Variants in SH3PXD2A observed in about 807,000 individuals in gnomAD.
SH3PXD2A encodes SH3 and PX domain-containing protein 2A.
In SH3PXD2A, 32 loss-of-function variants were observed where a neutral mutation model predicts 115.2. The observed-to-expected ratio is 0.28, with a 90% CI of 0.21 to 0.37. SH3PXD2A has a LOEUF of 0.37. Ranked by LOEUF, SH3PXD2A falls within the 10% of genes least tolerant of loss-of-function variation. The pLI is 1.00. For synonymous variants in SH3PXD2A, 610 were observed against 629.1 expected, an observed-to-expected ratio of 0.97 and a Z score of 0.45; for missense variants, 1,328 against 1,498.7, an observed-to-expected ratio of 0.89 and a Z score of 1.88.
intron 3 of SH3PXD2A, among the ~76,000 whole-genome samples, chr10:103,762,691 G>A (rs2038713582): frequency 6.6e-6 from 1 of 152,162 alleles, no homozygotes; most frequent in African/African-American, 2.4e-5. Flanking sequence ...AAAGGCTGGT[G>A]GTCCCAGACA....
intron 13 of SH3PXD2A, among the ~76,000 whole-genome samples, chr10:103,611,313 T>C (rs2036424849): frequency 6.6e-6 from 1 of 152,238 alleles, no homozygotes; most frequent in African/African-American, 2.4e-5. Context: ...TAAATGTTTA[T>C]GTCTGCCAAT....
chr10:103,759,271 A>G (rs1469120768), intron 3 of SH3PXD2A, among the ~76,000 whole-genome samples: 3 of 152,230 alleles, frequency 2.0e-5, no homozygotes, highest in African/African-American at 7.2e-5. Flanking sequence ...TCAGTACAAA[A>G]GAAGCAAGCA....
chr10:103,700,425 T>C (rs1018953444), intron 5 of SH3PXD2A, among the ~76,000 whole-genome samples: 14 of 152,100 alleles, frequency 9.2e-5, no homozygotes, highest in African/African-American at 3.4e-4. Context: ...GTGTGGATGG[T>C]GGCCGCAATG....
intron 6 of SH3PXD2A, among the ~76,000 whole-genome samples, chr10:103,687,164 A>C (rs2134118587): frequency 6.6e-6 from 1 of 152,300 alleles, no homozygotes; most frequent in East Asian, 1.9e-4. Context: ...CAGCAGAGTG[A>C]AGGTTTCCCT....
chr10:103,692,444 A>G (rs1170344188), intron 6 of SH3PXD2A, among the ~76,000 whole-genome samples: 1 of 152,118 alleles, frequency 6.6e-6, no homozygotes, highest in Non-Finnish European at 1.5e-5. Context: ...TCAGCTGCCA[A>G]AACGCGGAGC....
chr10:103,636,634 C>A (rs2036870252), intron 8 of SH3PXD2A, among the ~76,000 whole-genome samples: 1 of 152,120 alleles, frequency 6.6e-6, no homozygotes. Flanking sequence ...CAATGGCCTC[C>A]TTAAGGAGGG....
rs1247291275 is a variant in SH3PXD2A at position 103,613,058 on chromosome 10, C to G, written c.1053G>C (p.Leu351=). The change falls in exon 12 of 15, where the codon CTG becomes CTC. Residue 351 remains leucine, a synonymous_variant. Coordinates refer to ENST00000369774, the MANE Select transcript of SH3PXD2A (RefSeq NM_001394015.1). ...CCTTGTCCCCAGACGCCTTCTTGTT[C>G]AGCAGGTTGCTGATCTCCATGATGT... ...IGNIMEISNL[L]NKKASGDKET... is the part of the protein sequence containing the mutation. The G allele has an allele frequency of 3.1e-6, 5 of 1,614,246 alleles. No individual in the cohort carries two copies. The East Asian group carries it at 8.9e-5, about 29-fold the overall frequency.
intron 13 of SH3PXD2A, 25 bp downstream of exon 13, chr10:103,611,556 G>A: frequency 6.2e-7 from 1 of 1,608,318 alleles, no homozygotes; most frequent in Non-Finnish European, 8.5e-7. Context: ...GGAAGGAAAG[G>A]GGAGAAGAAA....
intron 8 of SH3PXD2A, among the ~76,000 whole-genome samples, chr10:103,634,714 G>A (rs1014836165): frequency 1.3e-5 from 2 of 152,182 alleles, no homozygotes; most frequent in Admixed American, 1.3e-4. Context: ...GTACCTGGGT[G>A]TCAATGTGTA....
rs79615908 is a variant in SH3PXD2A, at chr10:103,762,014, CTTTTTTTTT to C, written c.229+5071_229+5079del. 2.5e-4 allele frequency among the ~76,000 whole-genome samples: 23 copies of C among 90,708 alleles called. 1 individual carries two copies. The highest frequency in any genetic ancestry group is 6.6e-4 in the African/African-American group (16 of 24,404). 59.5% of individuals were successfully genotyped at this position (90,708 alleles called of 152,430 possible). ...CACACACTAGGAGCAATCAACACGT[CTTTTTTTTT>C]TTTTTTTTTTTTTTTTTGATACAGA... On this transcript the variant is annotated intron_variant, in intron 3 of 14. Transcript: ENST00000369774.
chr10:103,681,236 TG>T (rs35196546), intron 6 of SH3PXD2A, among the ~76,000 whole-genome samples: 136,620 of 152,256 alleles, frequency 0.9, 61,571 homozygotes, highest in East Asian at 1. Context: ...GTAAGAGACT[TG>T]GGAGTCCTGT....
At chr10:103,783,056 G>T (rs2038947547) in intron 2 of SH3PXD2A, among the ~76,000 whole-genome samples, 1 of 152,120 alleles carries the variant, frequency 6.6e-6, no homozygotes, top group Admixed American at 6.5e-5. Flanking sequence ...AAGGACAAAG[G>T]CCTGGTGGCA....
chr10:103,661,161 C>A, intron 7 of SH3PXD2A, 47 bp from the exon 8 acceptor site: 1 of 1,596,792 alleles, frequency 6.3e-7, no homozygotes, highest in Non-Finnish European at 8.5e-7. Flanking sequence ...CAGCCATGGC[C>A]CCGCGGCCAG....
At chr10:103,614,132 G>A (rs1445344761) in intron 11 of SH3PXD2A, among the ~76,000 whole-genome samples, 2 of 150,628 alleles carry the variant, frequency 1.3e-5, no homozygotes, top group Non-Finnish European at 2.9e-5. Flanking sequence ...GTGCATACCT[G>A]TAGTCCCAGG....
At chr10:103,751,635 C>CA (rs2038580606) in intron 3 of SH3PXD2A, among the ~76,000 whole-genome samples, 1 of 152,196 alleles carries the variant, frequency 6.6e-6, no homozygotes. Context: ...TCCTCATGGG[C>CA]ACAGATGAAA....
intron 3 of SH3PXD2A, among the ~76,000 whole-genome samples, chr10:103,752,519 A>C (rs2038590199): frequency 6.6e-6 from 1 of 152,192 alleles, no homozygotes; most frequent in Non-Finnish European, 1.5e-5. Context: ...GCACAGAAGA[A>C]CACCACCCTA....
Position 103,822,370 on chromosome 10 carries a change from C to A in SH3PXD2A, c.73-21008G>T, listed in dbSNP as rs142683937. On this transcript the variant is annotated intron_variant, in intron 1 of 14. Transcript: ENST00000369774. The stretch of plus-strand genomic sequence containing the variant: ...CAGGGTGCTTCCTATGCAGATGTAA[C>A]CCCTAGCTGTCCAAGTTCCCTGCAG... Among the ~76,000 whole-genome samples, 12 of 152,342 alleles carry A rather than the reference C, an allele frequency of 7.9e-5. No homozygotes were observed. In the East Asian group the frequency reaches 2.3e-3, roughly 29 times the overall value.
chr10:103,842,003 T>C (rs1484431243), intron 1 of SH3PXD2A, among the ~76,000 whole-genome samples: 2 of 151,858 alleles, frequency 1.3e-5, no homozygotes, highest in African/African-American at 4.8e-5. Flanking sequence ...CGGGTGCCTG[T>C]AGTCCCAGCT....
intron 13 of SH3PXD2A, among the ~76,000 whole-genome samples, chr10:103,606,827 C>T (rs1015800428): frequency 1.1e-4 from 17 of 152,360 alleles, no homozygotes; most frequent in Non-Finnish European, 2.2e-4. Context: ...AGTGCAGCGG[C>T]GTGATCTCGG....
Sources: allele counts gnomAD v4.1 joint callset (sites outside exome capture counted in the v4.1 genomes callset), GRCh38; gene constraint gnomAD v4.1.1; transcripts MANE v1.5; gene names NCBI Gene and HGNC (gene_info 2026-07-23, HGNC 2026-07-21).